BACE2: variants seen among roughly 807,000 people sequenced by gnomAD.
BACE2 encodes the protein 56 kDa aspartic-like protease.
BACE2 carries 17 observed loss-of-function variants against 46.2 expected under a neutral mutation model. The observed-to-expected ratio is 0.37, with a 90% CI of 0.25 to 0.55. BACE2 has a LOEUF of 0.55. Among genes scored for constraint, BACE2 ranks in the 20% least tolerant of loss-of-function variants. The probability of loss-of-function intolerance (pLI) is 0.82; values close to 1 mark genes in which losing one functional copy is unlikely to be tolerated. For synonymous variants in BACE2, 277 were observed against 295.9 expected (o/e 0.94, Z 0.66); for missense variants, 595 against 698.1 (o/e 0.85, Z 1.66).
In BACE2 at chr21:41,250,802, G is replaced by T; in HGVS notation, c.1035G>T (p.Trp345Cys). Residue 345 changes from tryptophan to cysteine, a missense_variant, in exon 7 of 9, where the codon TGG (tryptophan) becomes TGT (cysteine). Around this residue, in one of 3 missense-constraint regions of BACE2, gnomAD observed 343 missense variants for 419.4 expected, o/e 0.82. Transcript: ENST00000330333. ...GGACTGGGTCCCAGCTGGCGTGCTG[G>T]ACGAATTCGGAAACACCTTGGTCTT... ...GFWTGSQLAC[W>C]TNSETPWSYF... 2 of 1,614,142 alleles carry T rather than the reference G, an allele frequency of 1.2e-6. No individual in the cohort carries two copies. The highest frequency in any genetic ancestry group is 1.7e-6 in the Non-Finnish European group (2 of 1,180,014).
chr21:41,173,732 C>A (rs181651176), intron 1 of BACE2, among the ~76,000 whole-genome samples: 3 of 152,048 alleles, frequency 2.0e-5, no homozygotes, highest in Non-Finnish European at 4.4e-5. Context: ...GGCAACAGAA[C>A]GAGACTCTGT....
In BACE2 at chr21:41,168,353, G is replaced by A; in HGVS notation, c.90G>A (p.Thr30=). Residue 30 remains threonine (T), a synonymous_variant, in exon 1 of 9, where the codon ACG becomes ACA. Transcript: ENST00000330333. ...CGGAGCTGGCCCCCGCGCCCTTCAC[G>A]CTGCCCCTCCGGGTGGCCGCGGCCA... The part of the protein sequence containing the change: ...AAPELAPAPF[T]LPLRVAAATN... 2 of 1,384,894 alleles carry A rather than the reference G, an allele frequency of 1.4e-6. No individual in the cohort carries two copies. The highest frequency in any genetic ancestry group is 3.1e-5 in the Admixed American group (1 of 32,592). 85.8% of individuals were successfully genotyped at this position (1,384,894 alleles called of 1,614,324 possible). A position where few individuals can be genotyped will look rare whatever the true frequency, so the allele number is the denominator to read the frequency against.
At chr21:41,239,293 G>C (rs1601297171) in intron 3 of BACE2, among the ~76,000 whole-genome samples, 1 of 152,334 alleles carries the variant, frequency 6.6e-6, no homozygotes, top group East Asian at 1.9e-4. Context: ...GAAGATACAA[G>C]ATAAGATGTG....
At chr21:41,198,304 T>G (rs1985812056) in intron 1 of BACE2, among the ~76,000 whole-genome samples, 1 of 152,168 alleles carries the variant, frequency 6.6e-6, no homozygotes, top group Admixed American at 6.5e-5. Flanking sequence ...AAAATATATA[T>G]TTTTTGATGG....
At chr21:41,174,218 C>G (rs1984721227) in intron 1 of BACE2, among the ~76,000 whole-genome samples, 1 of 143,016 alleles carries the variant, frequency 7.0e-6, no homozygotes, top group African/African-American at 2.6e-5. Context: ...TCTTGGCTCA[C>G]TGCAACCTCC....
chr21:41,262,428 A>G (rs1474391079), intron 8 of BACE2, among the ~76,000 whole-genome samples: 3 of 152,058 alleles, frequency 2.0e-5, no homozygotes, highest in African/African-American at 7.2e-5. Context: ...GCTAAGCTAT[A>G]TAGTTTTATT....
At chr21:41,214,923 G>A (rs1056584256) in intron 1 of BACE2, among the ~76,000 whole-genome samples, 2 of 152,100 alleles carry the variant, frequency 1.3e-5, no homozygotes, top group African/African-American at 4.8e-5. Context: ...GTTAGAGGAA[G>A]AGGTATGGGG....
At chr21:41,192,141 G>A (rs988066112) in intron 1 of BACE2, among the ~76,000 whole-genome samples, 2 of 152,184 alleles carry the variant, frequency 1.3e-5, no homozygotes, top group African/African-American at 4.8e-5. Flanking sequence ...CCTAGAAAGG[G>A]GCTGTAGTGC....
chr21:41,275,822 GA>G lies in BACE2; in HGVS notation c.*203del. 3.0e-6 allele frequency: 2 copies of G among 671,154 alleles called. No individual in the cohort carries two copies. The highest frequency in any genetic ancestry group is 4.5e-5 in the South Asian group (2 of 44,342). 41.6% of individuals were successfully genotyped at this position (671,154 alleles called of 1,614,324 possible). ...GCTTTCAAATCCTCCCTACTTCCAA[GA>G]AAAATAATTAAAAAAAAAACTTCAT... is the stretch of plus-strand genomic sequence containing the variant. On this transcript the variant is annotated 3_prime_UTR_variant, in exon 9 of 9. Transcript: ENST00000330333.
At chr21:41,236,556 A>T (rs559597922) in intron 2 of BACE2, 1 of 152,314 alleles carries the variant, frequency 6.6e-6, no homozygotes, top group South Asian at 2.1e-4. Flanking sequence ...ATGTTCTGGC[A>T]TGCCATTAGC....
chr21:41,191,938 T>C lies in BACE2; in HGVS notation c.312+23363T>C, dbSNP rs79767203. 2.9e-4 allele frequency among the ~76,000 whole-genome samples: 44 copies of C among 151,556 alleles called. No homozygotes were observed. The East Asian group carries it at 8.5e-3, about 29-fold the overall frequency. ...CACATCCCTCTTCCCCAAATTTCTTTGTCACCAATTTTCCAATCATGCTTC... is the reference window on the plus strand; with the variant it reads ...CACATCCCTCTTCCCCAAATTTCTTCGTCACCAATTTTCCAATCATGCTTC... On this transcript the variant is annotated intron_variant, in intron 1 of 8. Transcript: ENST00000330333.
At chr21:41,246,883 G>A (rs1430680559) in intron 6 of BACE2, among the ~76,000 whole-genome samples, 4 of 152,196 alleles carry the variant, frequency 2.6e-5, no homozygotes, top group Admixed American at 2.6e-4. Context: ...GGGTGGTTGT[G>A]AGTTTTGGGT....
At chr21:41,183,028 C>G (rs1489202546) in intron 1 of BACE2, 1 of 166,438 alleles carries the variant, frequency 6.0e-6, no homozygotes, top group African/African-American at 2.4e-5. Flanking sequence ...TTTATGGAAA[C>G]CTAGGAAGGA....
intron 1 of BACE2, among the ~76,000 whole-genome samples, chr21:41,220,439 C>G (rs1231847242): frequency 1.3e-5 from 2 of 152,164 alleles, no homozygotes; most frequent in Non-Finnish European, 2.9e-5. Flanking sequence ...GACCAGCCCC[C>G]ATCCCGAAGC....
chr21:41,208,687 CA>C (rs991458454), intron 1 of BACE2, among the ~76,000 whole-genome samples: 48 of 152,216 alleles, frequency 3.2e-4, no homozygotes, highest in Admixed American at 8.5e-4. Context: ...TATGAGGGCT[CA>C]GGGGCTGCTG....
At chr21:41,199,430 A>C (rs1220583562) in intron 1 of BACE2, among the ~76,000 whole-genome samples, 1 of 152,054 alleles carries the variant, frequency 6.6e-6, no homozygotes, top group African/African-American at 2.4e-5. Flanking sequence ...AGGATGCTGC[A>C]GGGGGTGGCA....
intron 8 of BACE2, among the ~76,000 whole-genome samples, chr21:41,258,681 G>T (rs1987852739): frequency 6.6e-6 from 1 of 152,196 alleles, no homozygotes; most frequent in South Asian, 2.1e-4. Context: ...GATTGCAGTG[G>T]ACTATTAGGC....
intron 8 of BACE2, among the ~76,000 whole-genome samples, chr21:41,266,647 T>C (rs1447304227): frequency 6.6e-6 from 1 of 152,200 alleles, no homozygotes; most frequent in Non-Finnish European, 1.5e-5. Flanking sequence ...CAGGCTTCTG[T>C]TGGCAGAATT....
At chr21:41,240,026 C>G (rs1311470549) in intron 3 of BACE2, among the ~76,000 whole-genome samples, 1 of 152,248 alleles carries the variant, frequency 6.6e-6, no homozygotes, top group East Asian at 1.9e-4. Flanking sequence ...CTCCGTGCGA[C>G]ATTTTATCTT....
Sources: gnomAD v4.1 joint callset for allele counts (sites outside exome capture counted in the v4.1 genomes callset) on GRCh38, gnomAD v4.1.1 for gene constraint, gnomAD v4.1.1 regional missense constraint, MANE v1.5 for transcripts, NCBI Gene and HGNC (gene_info 2026-07-23, HGNC 2026-07-21) for gene names.